Variants in RPA2 observed in about 807,000 individuals in gnomAD.
RPA2 encodes replication protein A 32 kDa subunit.
RPA2 carries 22 observed loss-of-function variants against 33.4 expected under a neutral mutation model. The observed-to-expected ratio is 0.66, with a 90% confidence interval of 0.47 to 0.94. RPA2 has a LOEUF of 0.94. Ranked by LOEUF, RPA2 falls within the 40% of genes least tolerant of loss-of-function variation. The pLI is 0.00. For synonymous variants in RPA2, 109 were observed against 114.9 expected, an observed-to-expected ratio of 0.95 and a Z score of 0.33; for missense variants, 279 against 329.9, an observed-to-expected ratio of 0.85 and a Z score of 1.19.
intron 2 of RPA2, among the ~76,000 whole-genome samples, chr1:27,909,446 G>C (rs1020195361): frequency 1.6e-4 from 24 of 152,258 alleles, no homozygotes; most frequent in African/African-American, 4.3e-4. Context: ...GGCCAGGCGT[G>C]GTGGGTAACG....
At chr1:27,897,229 A>C (rs2089904460) in intron 5 of RPA2, 108 bp from the exon 6 acceptor site, 2 of 766,678 alleles carry the variant, frequency 2.6e-6, no homozygotes, top group Admixed American at 2.5e-5. Context: ...CACCAATATG[A>C]GAAAAATGTT....
upstream of RPA2, chr1:27,914,619 G>C (rs762425895): frequency 6.2e-7 from 1 of 1,613,914 alleles, no homozygotes; most frequent in South Asian, 1.1e-5. Context: ...CAGCCAATCG[G>C]TGCTCACGGA....
At chr1:27,914,705 T>A (rs752761867), upstream of RPA2, 1 of 1,606,486 alleles carries the variant, frequency 6.2e-7, no homozygotes, top group Admixed American at 1.7e-5. Context: ...TCCAAAAGCC[T>A]CCGCGGCCAT....
In RPA2 at chr1:27,914,062, C is replaced by T. The variant is rs763846144; in HGVS notation, c.117+1G>A. 6.3e-7 allele frequency: 1 copy of T among 1,589,104 alleles called. No individual in the cohort carries two copies. Among genetic ancestry groups the T allele is most frequent in the Non-Finnish European group, 8.6e-7 (1 of 1,168,182 alleles). Reference sequence around the variant, plus strand: ...AAAACTAAATACTCCTTTCAACCTACTGATTTCTTTTCGGCTTGAGAAGGT... The same window carrying T: ...AAAACTAAATACTCCTTTCAACCTATTGATTTCTTTTCGGCTTGAGAAGGT... On this transcript the variant is annotated splice_donor_variant, in intron 2 of 8. Coordinates refer to ENST00000373912, the MANE Select transcript of RPA2 (RefSeq NM_002946.5). LOFTEE classifies it high-confidence loss of function.
At chr1:27,913,719 C>T (rs1205701925) in intron 2 of RPA2, among the ~76,000 whole-genome samples, 1 of 152,078 alleles carries the variant, frequency 6.6e-6, no homozygotes, top group Non-Finnish European at 1.5e-5. Context: ...GAGTCGGAGA[C>T]CAGCCTGGGC....
rs569852250 is a variant in RPA2 at position 27,909,643 on chromosome 1, G to T, written c.118-2361C>A. ...GCAGGAGAATCACTTGAACTCGGGA[G>T]GCGGAGGTTGCAGTGAGCCGAGATC... On this transcript the variant is annotated intron_variant, in intron 2 of 8. Coordinates refer to ENST00000373912, the MANE Select transcript of RPA2 (RefSeq NM_002946.5). 4.6e-4 allele frequency among the ~76,000 whole-genome samples: 70 copies of T among 152,184 alleles called. 1 individual carries two copies. The highest frequency in any genetic ancestry group is 1.6e-3 in the African/African-American group (68 of 41,520).
chr1:27,892,687 C>CGGT (rs2089839687), intron 8 of RPA2, among the ~76,000 whole-genome samples: 4 of 152,208 alleles, frequency 2.6e-5, no homozygotes, highest in Admixed American at 2.6e-4. Flanking sequence ...AGGAAACACT[C>CGGT]TGAAACCTTC....
At chr1:27,912,469 T>C (rs1319890987) in intron 2 of RPA2, among the ~76,000 whole-genome samples, 1 of 151,848 alleles carries the variant, frequency 6.6e-6, no homozygotes, top group Non-Finnish European at 1.5e-5. Flanking sequence ...GAATGATCAC[T>C]TGAGGCATGG....
intron 2 of RPA2, among the ~76,000 whole-genome samples, chr1:27,909,317 G>GT: frequency 6.6e-6 from 1 of 152,174 alleles, no homozygotes; most frequent in South Asian, 2.1e-4. Context: ...ATTGTGAATG[G>GT]TGAGTATTGC....
intron 6 of RPA2, among the ~76,000 whole-genome samples, chr1:27,894,943 C>T (rs139469933): frequency 3.1e-4 from 47 of 152,320 alleles, no homozygotes; most frequent in Middle Eastern, 3.4e-3. Context: ...ACCAAAGTCA[C>T]CAAAGACTTT....
At chr1:27,903,612 G>C (rs549313970) in intron 4 of RPA2, among the ~76,000 whole-genome samples, 1 of 151,552 alleles carries the variant, frequency 6.6e-6, no homozygotes, top group Admixed American at 6.6e-5. Flanking sequence ...CCAACTACTC[G>C]AGAGGCTGAG....
chr1:27,907,284 T>C lies in RPA2; in HGVS notation c.118-2A>G. ...CACAATGTGCTGGGCTCGGGCTCTC[T>C]GAAAAGAAAAAACATGCAAAATTCA... On this transcript the variant is annotated splice_acceptor_variant, in intron 2 of 8. Coordinates refer to ENST00000373912, the MANE Select transcript of RPA2 (RefSeq NM_002946.5). LOFTEE classifies it high-confidence loss of function. The C allele has an allele frequency of 6.3e-7, 1 of 1,593,366 alleles. No homozygotes were observed. Among genetic ancestry groups the C allele is most frequent in the Non-Finnish European group, 8.5e-7 (1 of 1,173,328 alleles).
intron 2 of RPA2, among the ~76,000 whole-genome samples, chr1:27,908,025 G>T (rs1011318383): frequency 6.6e-6 from 1 of 151,974 alleles, no homozygotes; most frequent in Admixed American, 6.6e-5. Context: ...TAGAGATGGG[G>T]TTTCACCATG....
chr1:27,907,126 C>T (rs1204817623), intron 3 of RPA2, 55 bp downstream of exon 3: 2 of 1,576,230 alleles, frequency 1.3e-6, no homozygotes, highest in Non-Finnish European at 8.7e-7. Flanking sequence ...TTAATGAAGT[C>T]TTATTTCATT....
At chr1:27,898,315 C>A (rs779285406) in intron 4 of RPA2, among the ~76,000 whole-genome samples, 2 of 152,056 alleles carry the variant, frequency 1.3e-5, no homozygotes, top group Admixed American at 1.3e-4. Context: ...ACATAAAGTA[C>A]ACATTTCTAT....
chr1:27,901,966 G>C (rs1043024264), intron 4 of RPA2, among the ~76,000 whole-genome samples: 1 of 150,494 alleles, frequency 6.6e-6, no homozygotes, highest in African/African-American at 2.4e-5. Flanking sequence ...AGGGGAAGGG[G>C]AATCAAAGAG....
intron 6 of RPA2, among the ~76,000 whole-genome samples, chr1:27,894,709 A>G (rs1319901915): frequency 6.6e-6 from 1 of 152,230 alleles, no homozygotes; most frequent in African/African-American, 2.4e-5. Flanking sequence ...TTTGGTATCC[A>G]TGGAGCCCAA....
intron 4 of RPA2, among the ~76,000 whole-genome samples, chr1:27,904,686 GA>G (rs2090006542): frequency 1.3e-5 from 2 of 151,602 alleles, no homozygotes; most frequent in Non-Finnish European, 2.9e-5. Context: ...CTGTTGCCCA[GA>G]GCAACAGAGC....
intron 2 of RPA2, among the ~76,000 whole-genome samples, chr1:27,909,317 G>A (rs1296282006): frequency 6.6e-6 from 1 of 152,174 alleles, no homozygotes; most frequent in African/African-American, 2.4e-5. Flanking sequence ...ATTGTGAATG[G>A]TGAGTATTGC....
Sources: gnomAD v4.1 joint callset for allele counts (sites outside exome capture counted in the v4.1 genomes callset) on GRCh38, gnomAD v4.1.1 for gene constraint, MANE v1.5 for transcripts, NCBI Gene and HGNC (gene_info 2026-07-23, HGNC 2026-07-21) for gene names.